Variants in TARS1 observed in about 807,000 individuals in gnomAD.
The protein encoded by TARS1 is threonine--tRNA ligase 1, cytoplasmic.
Under a neutral mutation model 97.7 loss-of-function variants are expected in TARS1, and 57 were observed. That is an observed-to-expected ratio of 0.58 (90% CI 0.47 to 0.73). The LOEUF is 0.73. Among genes scored for constraint, TARS1 ranks in the 30% least tolerant of loss-of-function variants. The pLI, the probability that TARS1 is intolerant of heterozygous loss-of-function variation, is 0.00. For synonymous variants in TARS1, 312 were observed against 293.7 expected, an observed-to-expected ratio of 1.06 and a Z score of -0.64; for missense variants, 806 against 888.3, an observed-to-expected ratio of 0.91 and a Z score of 1.18.
chr5:33,452,332 C>T (rs1212127536), intron 3 of TARS1: 3 of 1,534,158 alleles, frequency 2.0e-6, no homozygotes, highest in Non-Finnish European at 2.6e-6. Context: ...CTACTCAACT[C>T]TGCTCTAGTC....
At position 33,465,824 on chromosome 5, in the gene TARS1, A is replaced by C. The variant is rs529004210; in HGVS notation, c.1909-1047A>C. Among the ~76,000 whole-genome samples, 4 of 152,336 alleles carry C rather than the reference A, an allele frequency of 2.6e-5. No homozygotes were observed. The East Asian group carries it at 7.7e-4, about 29-fold the overall frequency. On this transcript the variant is annotated intron_variant, in intron 17 of 18. Transcript: ENST00000265112. ...AATGAATGTGTTGTAGATCATTTAG[A>C]ATCTTTTTCAATCAAAAATTGAAAG...
chr5:33,466,821 A>C, intron 17 of TARS1, 50 bp from the exon 18 acceptor site: 1 of 1,362,330 alleles, frequency 7.3e-7, no homozygotes, highest in Non-Finnish European at 1.0e-6. Context: ...TGAGATCAAA[A>C]TATAATTCTG....
chr5:33,453,240 G>A (rs746332564), intron 3 of TARS1, 49 bp from the exon 4 acceptor site: 45 of 1,473,766 alleles, frequency 3.1e-5, no homozygotes, highest in Admixed American at 1.8e-4. Flanking sequence ...AATTAGATTC[G>A]TGTGTACTTA....
chr5:33,467,048 A>G, intron 18 of TARS1, 63 bp downstream of exon 18: 1 of 968,338 alleles, frequency 1.0e-6, no homozygotes, highest in Non-Finnish European at 1.5e-6. Flanking sequence ...TGAAACCTTG[A>G]GACAGGTTTA....
In TARS1 at chr5:33,448,456, T is replaced by C; in HGVS notation, c.139-85T>C. The stretch of plus-strand genomic sequence containing the variant: ...AATCAATAGTCCTGGGTTTCTGTAT[T>C]GTTTTTATTATTTCTTTCCCATTTC... On this transcript the variant is annotated intron_variant, in intron 2 of 18. Transcript: ENST00000265112. 3 of 1,206,020 alleles carry C rather than the reference T, an allele frequency of 2.5e-6. No individual in the cohort carries two copies. In the South Asian group the frequency reaches 5.2e-5, roughly 21 times the overall value. The allele number at this position is 1,206,020 out of a possible 1,614,324, so 74.7% of individuals were successfully genotyped here. A position where few individuals can be genotyped will look rare whatever the true frequency, so the allele number is the denominator to read the frequency against.
chr5:33,463,304 A>G (rs1447661792), intron 16 of TARS1, among the ~76,000 whole-genome samples: 1 of 152,224 alleles, frequency 6.6e-6, no homozygotes, highest in Non-Finnish European at 1.5e-5. Flanking sequence ...GTTATTATCA[A>G]TTACAATTTG....
At chr5:33,457,032 C>A (rs1449699952) in intron 8 of TARS1, among the ~76,000 whole-genome samples, 1 of 152,126 alleles carries the variant, frequency 6.6e-6, no homozygotes, top group African/African-American at 2.4e-5. Context: ...CTCCCAGGCT[C>A]AAGCAATCCT....
chr5:33,459,877 G>T lies in TARS1; in HGVS notation c.1250+16G>T. 6.3e-7 allele frequency: 1 copy of T among 1,597,628 alleles called. No individual in the cohort carries two copies. Among genetic ancestry groups the T allele is most frequent in the South Asian group, 1.1e-5 (1 of 89,944 alleles). ...CAGGACACTGGTATTCGGCAGCTTTGAATTTCTACTGAAGATTTTCACATG... is the reference window on the plus strand; with the variant it reads ...CAGGACACTGGTATTCGGCAGCTTTTAATTTCTACTGAAGATTTTCACATG... On this transcript the variant is annotated intron_variant, in intron 11 of 18. Transcript: ENST00000265112.
chr5:33,456,127 A>T, intron 7 of TARS1, 22 bp from the exon 8 acceptor site: 13 of 1,613,850 alleles, frequency 8.1e-6, no homozygotes, highest in Non-Finnish European at 1.0e-5. Flanking sequence ...CTTTGTTAAA[A>T]TTCCTTTCAT....
At chr5:33,457,730 A>T (rs1194687696) in intron 9 of TARS1, among the ~76,000 whole-genome samples, 1 of 152,240 alleles carries the variant, frequency 6.6e-6, no homozygotes, top group Non-Finnish European at 1.5e-5. Flanking sequence ...TCACTGACTC[A>T]TTTAAAATGT....
intron 9 of TARS1, 47 bp from the exon 10 acceptor site, chr5:33,458,519 C>G: frequency 6.6e-7 from 1 of 1,511,298 alleles, no homozygotes; most frequent in Non-Finnish European, 9.1e-7. Flanking sequence ...TATACACACA[C>G]GTATACGTGA....
chr5:33,455,022 G>A lies in TARS1; in HGVS notation c.531G>A (p.Pro177=), dbSNP rs1334986265. The A allele has an allele frequency of 1.4e-5, 22 of 1,613,462 alleles. No homozygotes were observed. The highest frequency in any genetic ancestry group is 1.0e-4 in the Admixed American group (6 of 59,944). The change falls in exon 5 of 19, where the codon CCG becomes CCA. Residue 177 remains proline (P), a synonymous_variant. Transcript: ENST00000265112. ...RVYGGCLCYG[P]PIENGFYYDM... is the part of the protein sequence containing the mutation. ...ATGGTGGATGTTTATGCTACGGTCCGCCAATAGAAAATGGATTCTATTATG... is the reference window on the plus strand; with the variant it reads ...ATGGTGGATGTTTATGCTACGGTCCACCAATAGAAAATGGATTCTATTATG...
chr5:33,465,042 G>C lies in TARS1; in HGVS notation c.1908+1217G>C, dbSNP rs989923624. ...GATCATGCCACTGCACTCCAGCCTG[G>C]GTGACAGAGCAAGACTCCATCTCAA... On this transcript the variant is annotated intron_variant, in intron 17 of 18. Transcript: ENST00000265112. Among the ~76,000 whole-genome samples the C allele has an allele frequency of 2.6e-5, 4 of 151,782 alleles. No individual in the cohort carries two copies. The East Asian group carries it at 7.7e-4, about 29-fold the overall frequency.
intron 8 of TARS1, among the ~76,000 whole-genome samples, 184 bp downstream of exon 8, chr5:33,456,411 C>CT (rs1742021454): frequency 6.6e-6 from 1 of 152,158 alleles, no homozygotes; most frequent in Non-Finnish European, 1.5e-5. Flanking sequence ...CAAGGGGTGA[C>CT]TGACTTGCTG....
At chr5:33,447,909 T>A (rs1183271933) in intron 2 of TARS1, among the ~76,000 whole-genome samples, 1 of 152,238 alleles carries the variant, frequency 6.6e-6, no homozygotes, top group Admixed American at 6.5e-5. Flanking sequence ...GCTCTCTGAT[T>A]GCTGTCTCTT....
chr5:33,443,341 C>CTCTCTCTCTCTCTCTCTCTCTCTCTT (rs1561066258), intron 1 of TARS1, among the ~76,000 whole-genome samples: 2 of 150,440 alleles, frequency 1.3e-5, no homozygotes, highest in African/African-American at 5.0e-5. Flanking sequence ...CTCTCTCTCT[C>CTCTCTCTCTCTCTCTCTCTCTCTCTT]TCTCTCTCTC....
At chr5:33,463,252 A>G (rs75075633) in intron 16 of TARS1, among the ~76,000 whole-genome samples, 3,863 of 152,312 alleles carry the variant, frequency 0.025, 171 homozygotes, top group African/African-American at 0.089. Flanking sequence ...TTATTTTTTA[A>G]TAAGTAGTGA....
In TARS1 at chr5:33,455,074, A is replaced by G. The variant is rs1357841060; in HGVS notation, c.575+8A>G. On this transcript the variant is annotated splice_region_variant and intron_variant, in intron 5 of 18. Transcript: ENST00000265112. ...CATGTACCTCGAAGAAGGGTAAGCC[A>G]TCAACTAGATAAAGAAAACTGAAGT... 4 of 1,613,064 alleles carry G rather than the reference A, an allele frequency of 2.5e-6. No homozygotes were observed. The highest frequency in any genetic ancestry group is 2.2e-5 in the East Asian group (1 of 44,842).
chr5:33,446,624 A>C (rs889640025), intron 2 of TARS1: 1 of 1,262,178 alleles, frequency 7.9e-7, no homozygotes, highest in South Asian at 1.2e-5. Flanking sequence ...TGCAGGTTTT[A>C]TTCATCTCTG....
Sources: allele counts gnomAD v4.1 joint callset (sites outside exome capture counted in the v4.1 genomes callset), GRCh38; gene constraint gnomAD v4.1.1; transcripts MANE v1.5; gene names NCBI Gene and HGNC (gene_info 2026-07-23, HGNC 2026-07-21).